DKK2: variants seen among roughly 807,000 people sequenced by gnomAD.
DKK2 encodes the protein dickkopf Wnt signaling pathway inhibitor 2, also known as dickkopf-related protein 2.
DKK2 carries 11 observed loss-of-function variants against 28.1 expected under a neutral mutation model. The ratio of observed to expected loss-of-function variants is 0.39; its 90% confidence interval spans 0.25 to 0.65. The LOEUF (loss-of-function observed/expected upper bound fraction) is 0.65. Ranked by LOEUF, DKK2 falls within the 30% of genes least tolerant of loss-of-function variation. The pLI, the probability that DKK2 is intolerant of heterozygous loss-of-function variation, is 0.47. For missense variants in DKK2, 326 were observed against 335.5 expected, an observed-to-expected ratio of 0.97 and a Z score of 0.22; for synonymous variants, 135 against 126.5, an observed-to-expected ratio of 1.07 and a Z score of -0.45.
At chr4:107,016,969 A>C (rs1247097280) in intron 1 of DKK2, among the ~76,000 whole-genome samples, 1 of 151,968 alleles carries the variant, frequency 6.6e-6, no homozygotes, top group African/African-American at 2.4e-5. Flanking sequence ...AGTCATTGGC[A>C]TGTAGTGGTA....
intron 1 of DKK2, among the ~76,000 whole-genome samples, chr4:106,998,450 C>G (rs1324217773): frequency 2.6e-5 from 4 of 152,138 alleles, no homozygotes; most frequent in Non-Finnish European, 5.9e-5. Context: ...GACAAGCAGT[C>G]AATGTTCCTT....
At chr4:107,015,559 A>G (rs2110370934) in intron 1 of DKK2, among the ~76,000 whole-genome samples, 1 of 151,846 alleles carries the variant, frequency 6.6e-6, no homozygotes, top group East Asian at 1.9e-4. Context: ...ATAAACTAGT[A>G]TTCTTACCTT....
intron 1 of DKK2, among the ~76,000 whole-genome samples, chr4:106,953,136 G>A (rs949096535): frequency 3.3e-5 from 5 of 151,890 alleles, no homozygotes; most frequent in African/African-American, 9.7e-5. Flanking sequence ...TTATTTTGTG[G>A]TATTCCCATT....
intron 1 of DKK2, among the ~76,000 whole-genome samples, chr4:106,967,995 A>G (rs902379365): frequency 6.6e-6 from 1 of 151,070 alleles, no homozygotes; most frequent in Non-Finnish European, 1.5e-5. Context: ...AAAGGTAGTA[A>G]GAGAGGAGAT....
At chr4:107,026,037 A>G (rs1243781694) in intron 1 of DKK2, among the ~76,000 whole-genome samples, 1 of 152,252 alleles carries the variant, frequency 6.6e-6, no homozygotes, top group Non-Finnish European at 1.5e-5. Flanking sequence ...TACATTGGGC[A>G]GATCATGAAA....
intron 1 of DKK2, among the ~76,000 whole-genome samples, chr4:107,005,764 C>T (rs550747370): frequency 2.6e-5 from 4 of 152,148 alleles, no homozygotes; most frequent in Non-Finnish European, 2.9e-5. Context: ...CTGATAGATT[C>T]ATATACTCAC....
At chr4:106,939,870 A>G (rs1045345211) in intron 1 of DKK2, among the ~76,000 whole-genome samples, 10 of 152,354 alleles carry the variant, frequency 6.6e-5, no homozygotes, top group African/African-American at 2.2e-4. Context: ...AGGATTTCCT[A>G]TTTAATAAAT....
At chr4:107,016,596 T>G (rs2110371404) in intron 1 of DKK2, among the ~76,000 whole-genome samples, 1 of 152,098 alleles carries the variant, frequency 6.6e-6, no homozygotes, top group South Asian at 2.1e-4. Flanking sequence ...TTTTAATTTG[T>G]TTTTACTGTT....
chr4:107,027,756 A>ATTTTTTTTTTTTTTTTTTTTT lies in DKK2; in HGVS notation c.222+7613_222+7614insAAAAAAAAAAAAAAAAAAAAA, dbSNP rs71590176. On this transcript the variant is annotated intron_variant, in intron 1 of 3. Transcript: ENST00000285311. ...TTGCTTATGACCTCCACCTATTATG[A>ATTTTTTTTTTTTTTTTTTTTT]TTTTTTTTTTTTTGAGACAGAGTCT... Among the ~76,000 whole-genome samples, 218 of 135,244 alleles carry ATTTTTTTTTTTTTTTTTTTTT rather than the reference A, an allele frequency of 1.6e-3. 9 individuals carry two copies. Among genetic ancestry groups the ATTTTTTTTTTTTTTTTTTTTT allele is most frequent in the African/African-American group, 5.8e-3 (210 of 36,290 alleles). 88.7% of individuals were successfully genotyped at this position (135,244 alleles called of 152,430 possible).
intron 1 of DKK2, among the ~76,000 whole-genome samples, chr4:106,971,885 C>T (rs1383799330): frequency 1.3e-5 from 2 of 152,044 alleles, no homozygotes; most frequent in African/African-American, 4.8e-5. Context: ...TGGTCACCCA[C>T]ATTTTGCAGT....
chr4:106,938,675 C>G (rs1458267182), intron 1 of DKK2, among the ~76,000 whole-genome samples: 5 of 152,114 alleles, frequency 3.3e-5, no homozygotes, highest in Admixed American at 2.0e-4. Context: ...GAATTTTAGA[C>G]CAATATCCTT....
intron 1 of DKK2, among the ~76,000 whole-genome samples, chr4:107,008,929 A>T (rs908792780): frequency 3.9e-5 from 6 of 152,026 alleles, no homozygotes; most frequent in African/African-American, 1.4e-4. Context: ...TCAAAACTAG[A>T]TTATCTAACA....
In DKK2 at chr4:106,951,681, T is replaced by C. The variant is rs928420787; in HGVS notation, c.223-25732A>G. Among the ~76,000 whole-genome samples the C allele has an allele frequency of 2.0e-5, 3 of 152,290 alleles. No homozygotes were observed. The South Asian group carries it at 6.2e-4, about 32-fold the overall frequency. ...CCACAGGCTTAGAACTATATGTGGG[T>C]GGCAGAGCACTCTTGACAATAAAGG... On this transcript the variant is annotated intron_variant, in intron 1 of 3. Transcript: ENST00000285311.
intron 1 of DKK2, among the ~76,000 whole-genome samples, chr4:106,997,538 GATTT>G (rs148756996): frequency 0.01 from 1,520 of 151,496 alleles, 24 homozygotes; most frequent in African/African-American, 0.035. Flanking sequence ...TCACCGAAGA[GATTT>G]ATTTCTCAAT....
intron 1 of DKK2, among the ~76,000 whole-genome samples, chr4:106,984,277 T>A (rs1723084990): frequency 6.6e-6 from 1 of 152,226 alleles, no homozygotes; most frequent in South Asian, 2.1e-4. Flanking sequence ...TGTGCAACCA[T>A]CACCACTCTC....
intron 1 of DKK2, among the ~76,000 whole-genome samples, chr4:106,976,023 G>A (rs1254192598): frequency 6.6e-6 from 1 of 152,172 alleles, no homozygotes; most frequent in Non-Finnish European, 1.5e-5. Context: ...GGAGCAGGTT[G>A]TTCAGTTTCC....
chr4:106,994,264 TG>T (rs1447639506), intron 1 of DKK2, among the ~76,000 whole-genome samples: 2 of 152,202 alleles, frequency 1.3e-5, no homozygotes, highest in Non-Finnish European at 2.9e-5. Context: ...AGAGCTTGCC[TG>T]CAATGCTTGT....
At position 106,921,935 on chromosome 4, in the gene DKK2, C is replaced by T. The variant is rs1414855632; in HGVS notation, c.*2019G>A. The T allele has an allele frequency of 6.6e-6, 1 of 152,490 alleles. No homozygotes were observed. The highest frequency in any genetic ancestry group is 1.5e-5 in the Non-Finnish European group (1 of 68,008). 9.4% of individuals were successfully genotyped at this position (152,490 alleles called of 1,614,324 possible). Reference sequence around the variant, plus strand: ...GAAATATCTCTATAAGAAAATACATCTCATTAACATTTCCTGTAAATAAAT... The same window carrying T: ...GAAATATCTCTATAAGAAAATACATTTCATTAACATTTCCTGTAAATAAAT... On this transcript the variant is annotated 3_prime_UTR_variant, in exon 4 of 4. Coordinates refer to ENST00000285311, the MANE Select transcript of DKK2 (RefSeq NM_014421.3).
At chr4:106,989,142 T>C (rs1723168086) in intron 1 of DKK2, among the ~76,000 whole-genome samples, 2 of 152,252 alleles carry the variant, frequency 1.3e-5, no homozygotes, top group South Asian at 4.1e-4. Context: ...AAGAAAGAAA[T>C]GGAATGTGGT....
Sources: allele counts gnomAD v4.1 joint callset (sites outside exome capture counted in the v4.1 genomes callset), GRCh38; gene constraint gnomAD v4.1.1; transcripts MANE v1.5; gene names NCBI Gene and HGNC (gene_info 2026-07-23, HGNC 2026-07-21).